The following NCOR2 variants were observed in gnomAD, a reference collection of about 807,000 sequenced individuals.
The protein encoded by NCOR2 is nuclear receptor corepressor 2.
Under a neutral mutation model 262.9 loss-of-function variants are expected in NCOR2, and 81 were observed. The observed-to-expected ratio is 0.31, with a 90% CI of 0.26 to 0.37. The LOEUF (loss-of-function observed/expected upper bound fraction) is 0.37. NCOR2 is among the 10% of genes least tolerant of loss of function. The probability of loss-of-function intolerance (pLI) is 1.00; values close to 1 mark genes in which losing one functional copy is unlikely to be tolerated. For missense variants in NCOR2, 3,385 were observed against 3,621.4 expected (o/e 0.93, Z 1.68); for synonymous variants, 1,659 against 1,559.3 (o/e 1.06, Z -1.51).
In NCOR2 at chr12:124,336,053, C is replaced by T. The variant is rs535914267; in HGVS notation, c.6116-421G>A. The T allele has an allele frequency of 2.0e-4, 36 of 183,744 alleles. No homozygotes were observed. The South Asian group carries it at 4.5e-3, about 23-fold the overall frequency. The allele number at this position is 183,744 out of a possible 1,614,324, so 11.4% of individuals were successfully genotyped here. On this transcript the variant is annotated intron_variant, in intron 38 of 46. Transcript: ENST00000405201. ...CGGGGCCCCGCCTGGGCTATAGCCT[C>T]GGCCATCCCAGTCCAACAGAGAGGA...
intron 13 of NCOR2, among the ~76,000 whole-genome samples, chr12:124,410,689 G>A (rs762204252): frequency 1.3e-5 from 2 of 152,090 alleles, no homozygotes; most frequent in Admixed American, 6.6e-5. Context: ...CCCTGCCACC[G>A]GTCCCCACCA....
Position 124,482,757 on chromosome 12 carries a change from A to G in NCOR2, c.411+839T>C, listed in dbSNP as rs2047564107. On this transcript the variant is annotated intron_variant, in intron 3 of 46. Coordinates refer to ENST00000405201, the Ensembl canonical transcript of NCOR2. This position sits in a 1 kb window ranked among gnomAD's most constrained non-coding sequence, Gnocchi z 6.3. ...CACCTGCAATGCCAGGCAGCCCCCC[A>G]TGGAGATGCAGACGAGCCTGAAGTT... Among the ~76,000 whole-genome samples the G allele has an allele frequency of 6.6e-6, 1 of 152,100 alleles. No individual in the cohort carries two copies. Among genetic ancestry groups the G allele is most frequent in the Non-Finnish European group, 1.5e-5 (1 of 67,988 alleles).
chr12:124,351,099 A>G (rs768731024), intron 27 of NCOR2, among the ~76,000 whole-genome samples: 2 of 152,134 alleles, frequency 1.3e-5, no homozygotes, highest in Non-Finnish European at 2.9e-5. Flanking sequence ...CTGGCTAATA[A>G]GGGGCAGGCG....
At chr12:124,526,605 C>T (rs1405602547) in intron 1 of NCOR2, among the ~76,000 whole-genome samples, 2 of 152,206 alleles carry the variant, frequency 1.3e-5, no homozygotes, top group African/African-American at 4.8e-5. Context: ...AGCACATGCT[C>T]AGGTCCTGAG....
upstream of NCOR2, among the ~76,000 whole-genome samples, chr12:124,497,335 A>G (rs964512584): frequency 6.6e-6 from 1 of 152,160 alleles, no homozygotes; most frequent in Non-Finnish European, 1.5e-5. The surrounding 1 kb of genome is among the most constrained non-coding windows in gnomAD (Gnocchi z 4.2). Context: ...TCCCGTGAAC[A>G]TGGGAACACG....
intron 3 of NCOR2, among the ~76,000 whole-genome samples, chr12:124,479,517 GCGCGCACACGCACA>G (rs1390335174): frequency 4.0e-5 from 6 of 150,190 alleles, no homozygotes; most frequent in Middle Eastern, 3.5e-3. Flanking sequence ...ACACGCACAT[GCGCGCACACGCACA>G]CACACACCCG....
chr12:124,514,386 G>C (rs2049589866), intron 1 of NCOR2: 1 of 152,308 alleles, frequency 6.6e-6, no homozygotes, highest in Non-Finnish European at 1.5e-5. Context: ...ACAAGGTGGG[G>C]ACAGGGGTGA....
chr12:124,391,511 G>T (rs1013954427), intron 16 of NCOR2, among the ~76,000 whole-genome samples: 14 of 151,838 alleles, frequency 9.2e-5, no homozygotes, highest in South Asian at 2.1e-4. Context: ...GCGGGGGGGG[G>T]GTTCCACAGG....
intron 22 of NCOR2, among the ~76,000 whole-genome samples, chr12:124,358,025 T>C (rs1458250136): frequency 6.7e-6 from 1 of 149,234 alleles, no homozygotes; most frequent in Non-Finnish European, 1.5e-5. Context: ...TGCGTGCATG[T>C]GTGTGTGAGT....
upstream of NCOR2, among the ~76,000 whole-genome samples, chr12:124,496,976 C>T (rs542702470): frequency 1.3e-5 from 2 of 152,210 alleles, no homozygotes; most frequent in Admixed American, 6.5e-5. This position sits in a 1 kb window ranked among gnomAD's most constrained non-coding sequence, Gnocchi z 4.4. Flanking sequence ...CTGAGACCCA[C>T]GCCCACCGGC....
chr12:124,386,584 G>A (rs1230064361), intron 16 of NCOR2, among the ~76,000 whole-genome samples: 2 of 152,174 alleles, frequency 1.3e-5, no homozygotes, highest in Non-Finnish European at 1.5e-5. Context: ...CAACCAGGAG[G>A]TTCTCTCAGC....
chr12:124,554,797 C>T (rs1259150193), intron 1 of NCOR2, among the ~76,000 whole-genome samples: 5 of 152,400 alleles, frequency 3.3e-5, no homozygotes, highest in Non-Finnish European at 5.9e-5. Flanking sequence ...TCCTGCCCGC[C>T]GCTACAGCTG....
intron 10 of NCOR2, among the ~76,000 whole-genome samples, chr12:124,428,248 A>G (rs1392698221): frequency 6.6e-6 from 1 of 152,176 alleles, no homozygotes; most frequent in Non-Finnish European, 1.5e-5. Flanking sequence ...AGGGGCTGAC[A>G]CGGCCCAGCT....
At chr12:124,385,675 A>G (rs1360825166) in intron 17 of NCOR2, 70 bp downstream of exon 19, 6 of 1,579,170 alleles carry the variant, frequency 3.8e-6, no homozygotes, top group African/African-American at 1.3e-5. Flanking sequence ...GTGCAGAGAC[A>G]TCTCCTGAGG....
upstream of NCOR2, among the ~76,000 whole-genome samples, chr12:124,499,171 G>A (rs750635702): frequency 2.2e-4 from 33 of 152,250 alleles, no homozygotes; most frequent in Non-Finnish European, 2.5e-4. Flanking sequence ...TCAAAGATGG[G>A]GGCAGGAGAG....
Position 124,449,894 on chromosome 12 carries a change from C to A in NCOR2, c.763-27G>T, listed in dbSNP as rs777872491. On this transcript the variant is annotated intron_variant, in intron 6 of 46. Transcript: ENST00000405201. ...TGCAAAGGGAGAGAGAGAAGCACAT[C>A]AGAGCCTGGCTGGCCACTCGCCACT... 10 of 1,611,372 alleles carry A rather than the reference C, an allele frequency of 6.2e-6. No individual in the cohort carries two copies. The East Asian group carries it at 2.0e-4, about 32-fold the overall frequency.
chr12:124,495,470 G>A (rs565410488), upstream of NCOR2: 99 of 848,000 alleles, frequency 1.2e-4, no homozygotes, highest in East Asian at 7.2e-4. The surrounding 1 kb of genome is among the most constrained non-coding windows in gnomAD (Gnocchi z 4.4). Flanking sequence ...GAGGACACGC[G>A]AGCACCCAGG....
At chr12:124,335,855 A>G in intron 38 of NCOR2, 1 of 553,730 alleles carries the variant, frequency 1.8e-6, no homozygotes, top group Non-Finnish European at 3.2e-6. Context: ...CGGGACAGAG[A>G]CAGACAGAGA....
chr12:124,403,652 T>G (rs2042105122), intron 13 of NCOR2, among the ~76,000 whole-genome samples: 1 of 152,104 alleles, frequency 6.6e-6, no homozygotes, highest in Admixed American at 6.5e-5. Flanking sequence ...ACGGCAATGT[T>G]TCAAACCAGG....
Sources: allele counts gnomAD v4.1 joint callset (sites outside exome capture counted in the v4.1 genomes callset), GRCh38; gene constraint gnomAD v4.1.1; non-coding constraint Gnocchi (gnomAD v3.1); transcripts MANE v1.5; gene names NCBI Gene and HGNC (gene_info 2026-07-23, HGNC 2026-07-21).